The following WDFY3 variants were observed in gnomAD, a reference collection of about 807,000 sequenced individuals.
WDFY3 encodes the protein WD repeat and FYVE domain-containing protein 3.
A neutral mutation model predicts 409.6 loss-of-function variants in WDFY3; 66 were observed. The observed-to-expected ratio is 0.16, with a 90% CI of 0.13 to 0.20. The LOEUF (loss-of-function observed/expected upper bound fraction) is 0.20. Among genes scored for constraint, WDFY3 ranks in the 10% least tolerant of loss-of-function variants. The probability of loss-of-function intolerance (pLI) is 1.00; values close to 1 mark genes in which losing one functional copy is unlikely to be tolerated. For missense variants in WDFY3, 3,031 were observed against 4,298.1 expected (o/e 0.71, Z 8.24); for synonymous variants, 1,521 against 1,537.1 (o/e 0.99, Z 0.25).
At chr4:84,678,879 C>T (rs758976397) in intron 65 of WDFY3, 40 bp downstream of exon 65, 8 of 1,569,518 alleles carry the variant, frequency 5.1e-6, no homozygotes, top group Non-Finnish European at 1.7e-6. Context: ...CCTCACACCA[C>T]ATATAAGGAG....
rs1388287867 is a variant in WDFY3, at chr4:84,670,788, G to A, written c.*2080C>T. The A allele has an allele frequency of 6.6e-6, 1 of 152,466 alleles. No homozygotes were observed. Among genetic ancestry groups the A allele is most frequent in the Non-Finnish European group, 1.5e-5 (1 of 68,028 alleles). The allele number at this position is 152,466 out of a possible 1,614,324, so 9.4% of individuals were successfully genotyped here. A position where few individuals can be genotyped will look rare whatever the true frequency, so the allele number is the denominator to read the frequency against. On this transcript the variant is annotated 3_prime_UTR_variant, in exon 68 of 68. Transcript: ENST00000295888. ...CAAATCATCTAGAGGGCCAGACAGGGGCAAGGCCCACAGTTACATAATAGC... is the reference window on the plus strand; with the variant it reads ...CAAATCATCTAGAGGGCCAGACAGGAGCAAGGCCCACAGTTACATAATAGC...
chr4:84,801,846 G>T lies in WDFY3; in HGVS notation c.2626C>A (p.Leu876Ile), dbSNP rs905434275. ...TQPEHALDLQ[L>I]AVANILQSLV... is the part of the protein sequence containing the mutation. ...GATTGTAAAATATTTGCCACGGCAAGTTGAAGATCCAAAGCATGCTAAAAT... is the reference window on the plus strand; with the variant it reads ...GATTGTAAAATATTTGCCACGGCAATTTGAAGATCCAAAGCATGCTAAAAT... Residue 876 changes from leucine (L) to isoleucine (I), a missense_variant, in exon 17 of 68, where the codon CTT becomes ATT. Coordinates refer to ENST00000295888, the MANE Select transcript of WDFY3 (RefSeq NM_014991.6). The T allele has an allele frequency of 1.7e-5, 28 of 1,614,036 alleles. No homozygotes were observed. The highest frequency in any genetic ancestry group is 2.3e-5 in the Non-Finnish European group (27 of 1,179,916).
chr4:84,722,253 T>TGG (rs1734973493), intron 46 of WDFY3, among the ~76,000 whole-genome samples: 1 of 152,034 alleles, frequency 6.6e-6, no homozygotes, highest in African/African-American at 2.4e-5. Context: ...CTGGGTGTGG[T>TGG]GGTGCATGCC....
intron 48 of WDFY3, among the ~76,000 whole-genome samples, 182 bp from the exon 49 acceptor site, chr4:84,717,198 C>A (rs1386202548): frequency 6.6e-6 from 1 of 152,054 alleles, no homozygotes; most frequent in African/African-American, 2.4e-5. Context: ...CAAGGAACCC[C>A]CTTTGATGAA....
At chr4:84,723,249 T>C (rs1735116358) in intron 46 of WDFY3, among the ~76,000 whole-genome samples, 1 of 152,204 alleles carries the variant, frequency 6.6e-6, no homozygotes, top group Admixed American at 6.5e-5. Context: ...GGATCAATTA[T>C]AAAATGTTTA....
intron 32 of WDFY3, among the ~76,000 whole-genome samples, chr4:84,762,734 T>A (rs1742893693): frequency 6.6e-6 from 1 of 152,312 alleles, no homozygotes; most frequent in Non-Finnish European, 1.5e-5. Flanking sequence ...AACTGCCACA[T>A]TTCTGAAAGA....
chr4:84,838,121 A>G (rs2150001522), intron 6 of WDFY3, among the ~76,000 whole-genome samples: 1 of 152,328 alleles, frequency 6.6e-6, no homozygotes, highest in Non-Finnish European at 1.5e-5. Flanking sequence ...ATGGTACAGT[A>G]TTTTTGAAGA....
chr4:84,785,368 CTAT>C (rs1321491402), intron 24 of WDFY3, among the ~76,000 whole-genome samples: 1 of 152,112 alleles, frequency 6.6e-6, no homozygotes, highest in East Asian at 1.9e-4. Flanking sequence ...CCCATGCTCC[CTAT>C]TCCTGTGGCC....
rs763322199 is a variant in WDFY3 at position 84,672,852 on chromosome 4, T to A, written c.*16A>T. The stretch of plus-strand genomic sequence containing the variant: ...GGGGTCTACAGACCATGGTCTCCAC[T>A]CAGCTTGTTGAATCTTCAACAATTT... On this transcript the variant is annotated 3_prime_UTR_variant, in exon 68 of 68. Coordinates refer to ENST00000295888, the MANE Select transcript of WDFY3 (RefSeq NM_014991.6). 1 of 1,613,970 alleles carries A rather than the reference T, an allele frequency of 6.2e-7. No homozygotes were observed. The highest frequency in any genetic ancestry group is 8.5e-7 in the Non-Finnish European group (1 of 1,179,904).
intron 1 of WDFY3, among the ~76,000 whole-genome samples, chr4:84,938,478 A>T (rs1279943568): frequency 6.6e-6 from 1 of 152,118 alleles, no homozygotes; most frequent in Non-Finnish European, 1.5e-5. Context: ...AGAATGACTC[A>T]TTTCTTTCCC....
intron 3 of WDFY3, among the ~76,000 whole-genome samples, chr4:84,890,434 G>C (rs1008127460): frequency 6.6e-6 from 1 of 152,176 alleles, no homozygotes; most frequent in Non-Finnish European, 1.5e-5. Context: ...GTGAAGCAGA[G>C]ACCACACTGT....
chr4:84,915,786 G>A (rs967933237), intron 2 of WDFY3, among the ~76,000 whole-genome samples: 1 of 152,090 alleles, frequency 6.6e-6, no homozygotes, highest in African/African-American at 2.4e-5. Flanking sequence ...AGCTTTAAGT[G>A]TACAGACCTC....
At chr4:84,702,822 C>T (rs1201852666) in intron 55 of WDFY3, among the ~76,000 whole-genome samples, 3 of 152,126 alleles carry the variant, frequency 2.0e-5, no homozygotes, top group Non-Finnish European at 4.4e-5. Flanking sequence ...TCTGGCCGGG[C>T]GCGGCGGCTC....
chr4:84,707,246 C>T (rs1402024160), intron 53 of WDFY3, among the ~76,000 whole-genome samples: 2 of 152,014 alleles, frequency 1.3e-5, no homozygotes, highest in Non-Finnish European at 2.9e-5. Flanking sequence ...TGATTTTAAA[C>T]AGGGGGATGA....
intron 67 of WDFY3, among the ~76,000 whole-genome samples, chr4:84,673,740 C>T (rs890240936): frequency 1.4e-4 from 21 of 151,956 alleles, no homozygotes; most frequent in African/African-American, 3.9e-4. Flanking sequence ...TATTAAATCA[C>T]TTTAGGCTTG....
rs138993807 is a variant in WDFY3 at position 84,860,504 on chromosome 4, G to T, written c.88C>A (p.Arg30=). 1.5e-4 allele frequency: 242 copies of T among 1,614,090 alleles called. 2 individuals carry two copies. The African/African-American group carries it at 2.6e-3, about 18-fold the overall frequency. ...DNALGLMHLR[R]LFTELCHPPR... ...GGATGGCACAACTCCGTGAAGAGCC[G>T]GCGGAGGTGCATCAGTCCTAAGGCG... Residue 30 remains arginine (R), a synonymous_variant, in exon 4 of 68, where the codon CGG becomes AGG. Coordinates refer to ENST00000295888, the MANE Select transcript of WDFY3 (RefSeq NM_014991.6).
chr4:84,719,052 A>C (rs1056762849), intron 47 of WDFY3, among the ~76,000 whole-genome samples: 2 of 152,168 alleles, frequency 1.3e-5, no homozygotes, highest in Non-Finnish European at 2.9e-5. Context: ...CAAGTTTCTT[A>C]ATTTCTCTGA....
intron 3 of WDFY3, among the ~76,000 whole-genome samples, chr4:84,891,061 G>A (rs895917683): frequency 1.3e-5 from 2 of 152,090 alleles, no homozygotes; most frequent in African/African-American, 4.8e-5. Flanking sequence ...AGACAAGCAG[G>A]TGATAGGCCA....
At chr4:84,959,049 T>C (rs555631332) in intron 1 of WDFY3, among the ~76,000 whole-genome samples, 5 of 152,286 alleles carry the variant, frequency 3.3e-5, no homozygotes, top group Non-Finnish European at 4.4e-5. Context: ...CAATTGACAA[T>C]AGTAATACTT....
Sources: gnomAD v4.1 joint callset for allele counts (sites outside exome capture counted in the v4.1 genomes callset) on GRCh38, gnomAD v4.1.1 for gene constraint, MANE v1.5 for transcripts, NCBI Gene and HGNC (gene_info 2026-07-23, HGNC 2026-07-21) for gene names.